Variants in CENPF observed in about 807,000 individuals in gnomAD.
CENPF encodes the protein centromere protein F.
A neutral mutation model predicts 307.3 loss-of-function variants in CENPF; 214 were observed. The observed-to-expected ratio is 0.70, with a 90% CI of 0.62 to 0.78. The LOEUF (loss-of-function observed/expected upper bound fraction) is 0.78. CENPF is among the 30% of genes least tolerant of loss of function. CENPF has a pLI of 0.00. For missense variants in CENPF, 3,401 were observed against 3,483.9 expected (o/e 0.98, Z 0.60); for synonymous variants, 1,259 against 1,270.6 (o/e 0.99, Z 0.19).
In CENPF at chr1:214,640,117, A is replaced by T. The variant is rs1015235462; in HGVS notation, c.1779A>T (p.Lys593Asn). The T allele has an allele frequency of 6.3e-7, 1 of 1,586,744 alleles. No homozygotes were observed. The highest frequency in any genetic ancestry group is 8.5e-7 in the Non-Finnish European group (1 of 1,172,870). Residue 593 changes from lysine (K) to asparagine (N), a missense_variant, in exon 12 of 20, where the codon AAA (lysine) becomes AAT (asparagine). Physicochemically the swap from Lys to Asn is moderately conservative, Grantham distance 94 (BLOSUM62 0). Transcript: ENST00000366955. ...QLNDKLSKTE[K>N]ESKALLSALE... ...ATGATAAGTTAAGCAAGACAGAGAA[A>T]GAGTCCAAAGCCTTGCTGAGTGCTT...
At chr1:214,636,326 C>T (rs980649239) in intron 10 of CENPF, among the ~76,000 whole-genome samples, 1 of 152,110 alleles carries the variant, frequency 6.6e-6, no homozygotes, top group Non-Finnish European at 1.5e-5. Flanking sequence ...CCTTAATGAT[C>T]GTGCTTTGCA....
In CENPF at chr1:214,638,002, G is replaced by GT. The variant is rs1228238398; in HGVS notation, c.1582+2dup. 6.2e-7 allele frequency: 1 copy of GT among 1,607,526 alleles called. No individual in the cohort carries two copies. The highest frequency in any genetic ancestry group is 1.3e-5 in the African/African-American group (1 of 74,650). On this transcript the variant is annotated splice_donor_variant, in intron 11 of 19. Coordinates refer to ENST00000366955, the MANE Select transcript of CENPF (RefSeq NM_016343.4). LOFTEE classifies it high-confidence loss of function. Reference sequence around the variant, plus strand: ...CAGAATTTTGCAGAAGAAATGAAAGGTAAGTAAACTTAGTATTTTAGAGTT... The same window carrying GT: ...CAGAATTTTGCAGAAGAAATGAAAGGTTAAGTAAACTTAGTATTTTAGAGTT...
rs373784639 is a variant in CENPF at position 214,640,072 on chromosome 1, A to G, written c.1734A>G (p.Glu578=). The change falls in exon 12 of 20, where the codon GAA becomes GAG. Residue 578 remains glutamate (E), a synonymous_variant. Coordinates refer to ENST00000366955, the MANE Select transcript of CENPF (RefSeq NM_016343.4). Reference sequence around the variant, plus strand: ...CTCAAGACCTTTTGAAGAAAAGAGAACATCACATTGAACAACTTAATGATA... The same window carrying G: ...CTCAAGACCTTTTGAAGAAAAGAGAGCATCACATTGAACAACTTAATGATA... ...DCSQDLLKKR[E]HHIEQLNDKL... 3.1e-6 allele frequency: 5 copies of G among 1,602,140 alleles called. No individual in the cohort carries two copies. In the African/African-American group the frequency reaches 5.4e-5, roughly 17 times the overall value.
intron 3 of CENPF, among the ~76,000 whole-genome samples, chr1:214,617,542 T>C (rs531922776): frequency 1.3e-5 from 2 of 152,334 alleles, no homozygotes; most frequent in African/African-American, 4.8e-5. Context: ...CTTACTTGCA[T>C]GATAGTTCTG....
At chr1:214,647,884 A>C (rs928298365) in intron 13 of CENPF, 1 of 398,346 alleles carries the variant, frequency 2.5e-6, no homozygotes, top group African/African-American at 2.1e-5. Flanking sequence ...CAGAGCACTC[A>C]TGGCTTCTAG....
At chr1:214,662,412 G>T (rs570377896) in intron 19 of CENPF, among the ~76,000 whole-genome samples, 1 of 152,290 alleles carries the variant, frequency 6.6e-6, no homozygotes, top group South Asian at 2.1e-4. Flanking sequence ...GATTTGATCT[G>T]TTGGCCAGAT....
rs185161670 is a variant in CENPF at position 214,625,677 on chromosome 1, T to G, written c.1069-3369T>G. Among the ~76,000 whole-genome samples, 339 of 152,336 alleles carry G rather than the reference T, an allele frequency of 2.2e-3. 1 individual carries two copies. The highest frequency in any genetic ancestry group is 8.0e-3 in the African/African-American group (331 of 41,572). ...TTTTTTCCTGCCTTTGCGGGTTGTTTGAACATTTTTTAAAAATCCATTTTG... is the reference window on the plus strand; with the variant it reads ...TTTTTTCCTGCCTTTGCGGGTTGTTGGAACATTTTTTAAAAATCCATTTTG... On this transcript the variant is annotated intron_variant, in intron 7 of 19. Transcript: ENST00000366955.
rs59561763 is a variant in CENPF at position 214,620,525 on chromosome 1, G to A, written c.574-130G>A. The A allele has an allele frequency of 3.0e-3, 2,702 of 899,360 alleles. 54 individuals are homozygous for A. In the African/African-American group the frequency reaches 0.04, roughly 13 times the overall value. 55.7% of individuals were successfully genotyped at this position (899,360 alleles called of 1,614,324 possible). A position where few individuals can be genotyped will look rare whatever the true frequency, so the allele number is the denominator to read the frequency against. On this transcript the variant is annotated intron_variant, in intron 5 of 19. Coordinates refer to ENST00000366955, the MANE Select transcript of CENPF (RefSeq NM_016343.4). ...AGACTTATGGTTTACTTGACTTGAT[G>A]AATGTTCTTTGTTGGTATGCAGTGC...
chr1:214,659,772 T>C lies in CENPF; in HGVS notation c.9141+744T>C, dbSNP rs1370277841. On this transcript the variant is annotated intron_variant, in intron 19 of 19. Coordinates refer to ENST00000366955, the MANE Select transcript of CENPF (RefSeq NM_016343.4). This position sits in a 1 kb window ranked among gnomAD's most constrained non-coding sequence, Gnocchi z 4.4. The stretch of plus-strand genomic sequence containing the variant: ...GACTCATAAAGATGTAACCTCCCAG[T>C]GTGAACCCCTACTTCCTCTCAACTC... 2.6e-5 allele frequency among the ~76,000 whole-genome samples: 4 copies of C among 152,206 alleles called. No homozygotes were observed. In the East Asian group the frequency reaches 7.7e-4, roughly 29 times the overall value.
At chr1:214,662,303 CT>C (rs893176402) in intron 19 of CENPF, among the ~76,000 whole-genome samples, 2 of 150,888 alleles carry the variant, frequency 1.3e-5, no homozygotes, top group African/African-American at 2.4e-5. Context: ...TTTCCTTCAA[CT>C]TTCCATGGAT....
intron 3 of CENPF, among the ~76,000 whole-genome samples, chr1:214,615,362 C>T (rs1657307417): frequency 6.6e-6 from 1 of 152,070 alleles, no homozygotes; most frequent in Non-Finnish European, 1.5e-5. Context: ...ATAGTACTAT[C>T]ATACTATCAA....
intron 2 of CENPF, among the ~76,000 whole-genome samples, chr1:214,614,269 G>A (rs1224849261): frequency 1.3e-5 from 2 of 152,056 alleles, no homozygotes; most frequent in Admixed American, 1.3e-4. Flanking sequence ...ATAGCAACAA[G>A]GCAAAAGGTG....
intron 7 of CENPF, among the ~76,000 whole-genome samples, chr1:214,624,027 G>C (rs1020910160): frequency 7.0e-6 from 1 of 143,262 alleles, no homozygotes; most frequent in Non-Finnish European, 1.6e-5. Flanking sequence ...GATAATCGTA[G>C]ATTCATATGC....
chr1:214,628,587 G>T (rs1340797238), intron 7 of CENPF, among the ~76,000 whole-genome samples: 1 of 152,208 alleles, frequency 6.6e-6, no homozygotes, highest in African/African-American at 2.4e-5. Flanking sequence ...GGGATTTACA[G>T]GCAAGCGCCA....
chr1:214,653,010 T>C, intron 16 of CENPF, 21 bp downstream of exon 16: 2 of 1,586,786 alleles, frequency 1.3e-6, no homozygotes, highest in Non-Finnish European at 8.6e-7. Context: ...TTTAATTTGC[T>C]TCATGATTTC....
chr1:214,661,643 AC>A (rs1658789818), intron 19 of CENPF, among the ~76,000 whole-genome samples: 1 of 152,182 alleles, frequency 6.6e-6, no homozygotes, highest in African/African-American at 2.4e-5. Flanking sequence ...TTTGTTGGGA[AC>A]AAGGGAGACA....
intron 10 of CENPF, 94 bp downstream of exon 10, chr1:214,632,696 A>G (rs1657842424): frequency 1.4e-6 from 2 of 1,431,356 alleles, no homozygotes; most frequent in South Asian, 2.7e-5. Context: ...GTTGCTTGTC[A>G]TGACTGTGTG....
chr1:214,629,133 G>C lies in CENPF; in HGVS notation c.1156G>C (p.Glu386Gln). ...QNAESARCSL[E>Q]QKIKEKEKEF... ...TGCAGAAAGTGCCAGATGTTCTCTG[G>C]AACAGAAAATTAAGGAAAAAGAAAA... Residue 386 changes from glutamate (E) to glutamine (Q), a missense_variant, in exon 8 of 20, where the codon GAA (glutamate) becomes CAA (glutamine). By Grantham distance (29) the Glu-to-Gln change is conservative. Coordinates refer to ENST00000366955, the MANE Select transcript of CENPF (RefSeq NM_016343.4). 2 of 1,609,036 alleles carry C rather than the reference G, an allele frequency of 1.2e-6. No individual in the cohort carries two copies. The highest frequency in any genetic ancestry group is 1.7e-6 in the Non-Finnish European group (2 of 1,178,646).
intron 1 of CENPF, among the ~76,000 whole-genome samples, chr1:214,606,684 C>T (rs1657042973): frequency 6.6e-6 from 1 of 152,126 alleles, no homozygotes; most frequent in South Asian, 2.1e-4. Context: ...CACCCCCTCC[C>T]ACCAGCACCT....
Sources: gnomAD v4.1 joint callset for allele counts (sites outside exome capture counted in the v4.1 genomes callset) on GRCh38, gnomAD v4.1.1 for gene constraint, Gnocchi (gnomAD v3.1) non-coding constraint, MANE v1.5 for transcripts, NCBI Gene and HGNC (gene_info 2026-07-23, HGNC 2026-07-21) for gene names.